Variants in TCERG1 observed in about 807,000 individuals in gnomAD.
The protein encoded by TCERG1 is transcription elongation regulator 1.
TCERG1 carries 37 observed loss-of-function variants against 144.7 expected under a neutral mutation model. That is an observed-to-expected ratio of 0.26 (90% CI 0.20 to 0.34). The LOEUF is 0.34. TCERG1 is among the 10% of genes least tolerant of loss of function. TCERG1 has a pLI of 1.00. For synonymous variants in TCERG1, 492 were observed against 458.2 expected, an observed-to-expected ratio of 1.07 and a Z score of -0.94; for missense variants, 1,027 against 1,380.7, an observed-to-expected ratio of 0.74 and a Z score of 4.06.
chr5:146,463,016 T>G (rs1386801603), intron 4 of TCERG1, among the ~76,000 whole-genome samples: 1 of 152,226 alleles, frequency 6.6e-6, no homozygotes, highest in Non-Finnish European at 1.5e-5. Context: ...TCCTATCCAT[T>G]TAAGGGCATA....
intron 1 of TCERG1, among the ~76,000 whole-genome samples, chr5:146,454,310 T>C (rs747044158): frequency 1.3e-5 from 2 of 152,240 alleles, no homozygotes; most frequent in Non-Finnish European, 2.9e-5. Flanking sequence ...GAATAGGTGA[T>C]GTCGTGTCTC....
chr5:146,488,824 A>G (rs1766118278), intron 15 of TCERG1, among the ~76,000 whole-genome samples: 1 of 152,216 alleles, frequency 6.6e-6, no homozygotes, highest in Non-Finnish European at 1.5e-5. Context: ...GAATCAACCT[A>G]GGTGTCCAAC....
intron 2 of TCERG1, among the ~76,000 whole-genome samples, chr5:146,456,521 A>G (rs1430569529): frequency 6.6e-6 from 1 of 152,202 alleles, no homozygotes; most frequent in African/African-American, 2.4e-5. Flanking sequence ...TTTGGGATAG[A>G]TATTTTATAT....
chr5:146,498,819 C>G, intron 17 of TCERG1, 133 bp downstream of exon 17: 1 of 930,452 alleles, frequency 1.1e-6, no homozygotes. Context: ...TTTAAGTTAA[C>G]TTTTATAATT....
chr5:146,450,351 G>GT (rs1394012264), intron 1 of TCERG1, among the ~76,000 whole-genome samples: 3 of 152,332 alleles, frequency 2.0e-5, no homozygotes, highest in African/African-American at 7.2e-5. Context: ...AAGAGAACAG[G>GT]TGCAGAGGCT....
chr5:146,506,982 T>A, intron 19 of TCERG1, 46 bp from the exon 20 acceptor site: 1 of 1,462,942 alleles, frequency 6.8e-7, no homozygotes, highest in Non-Finnish European at 9.1e-7. Context: ...AAATGGACAT[T>A]CAGATAAGTC....
intron 19 of TCERG1, among the ~76,000 whole-genome samples, chr5:146,506,659 C>T (rs973502312): frequency 1.3e-5 from 2 of 152,176 alleles, no homozygotes; most frequent in African/African-American, 2.4e-5. Context: ...CATTCTCTCC[C>T]TTGTCCTGTC....
chr5:146,470,377 A>G (rs1764179570), intron 7 of TCERG1, among the ~76,000 whole-genome samples: 1 of 152,200 alleles, frequency 6.6e-6, no homozygotes, highest in African/African-American at 2.4e-5. Flanking sequence ...ATTGCTACAA[A>G]TGATATATGA....
chr5:146,485,382 A>C (rs1765731091), intron 15 of TCERG1, among the ~76,000 whole-genome samples: 1 of 152,218 alleles, frequency 6.6e-6, no homozygotes, highest in South Asian at 2.1e-4. Context: ...TGCAAAATAT[A>C]AATTGTATGA....
intron 15 of TCERG1, among the ~76,000 whole-genome samples, chr5:146,488,331 C>T (rs1766045743): frequency 6.6e-6 from 1 of 152,128 alleles, no homozygotes; most frequent in Non-Finnish European, 1.5e-5. Context: ...TTGCTAACTA[C>T]TTATTTGATA....
chr5:146,507,890 G>A lies in TCERG1; in HGVS notation c.2979G>A (p.Thr993=), dbSNP rs12186370. Reference sequence around the variant, plus strand: ...TTTCAAAGATTACCTTAACATCCACGTGGAAAGAAGTAAAAAAAATCATTA... The same window carrying A: ...TTTCAAAGATTACCTTAACATCCACATGGAAAGAAGTAAAAAAAATCATTA... ...DETSAITLTS[T]WKEVKKIIKE... is the part of the protein sequence containing the mutation. The change falls in exon 21 of 23, where the codon ACG becomes ACA. Residue 993 remains threonine, a synonymous_variant. Coordinates refer to ENST00000679501, the MANE Select transcript of TCERG1 (RefSeq NM_001382548.1). The surrounding 1 kb of genome is among the most constrained non-coding windows in gnomAD (Gnocchi z 4.6). 0.066 allele frequency: 105,331 copies of A among 1,608,042 alleles called. 3,823 individuals carry two copies. Among genetic ancestry groups the A allele is most frequent in the Middle Eastern group, 0.11 (671 of 6,044 alleles).
chr5:146,508,793 C>G (rs1189280648), intron 21 of TCERG1, among the ~76,000 whole-genome samples: 1 of 152,162 alleles, frequency 6.6e-6, no homozygotes, highest in Non-Finnish European at 1.5e-5. Context: ...GAAGTGAACA[C>G]TTAATCCTTA....
At chr5:146,484,455 T>C (rs1277755364) in intron 15 of TCERG1, among the ~76,000 whole-genome samples, 1 of 152,196 alleles carries the variant, frequency 6.6e-6, no homozygotes, top group Non-Finnish European at 1.5e-5. Flanking sequence ...TTGGTAACAG[T>C]AGTGCCCATC....
chr5:146,505,806 C>G (rs912837891), intron 19 of TCERG1, among the ~76,000 whole-genome samples: 1 of 152,036 alleles, frequency 6.6e-6, no homozygotes, highest in Non-Finnish European at 1.5e-5. Flanking sequence ...GAGATGGAGT[C>G]TCACTCTGTC....
At chr5:146,453,081 T>C (rs1433280697) in intron 1 of TCERG1, among the ~76,000 whole-genome samples, 1 of 152,226 alleles carries the variant, frequency 6.6e-6, no homozygotes, top group Admixed American at 6.5e-5. Flanking sequence ...TTTTAGGAGT[T>C]AATAATTCTC....
rs1409230103 is a variant in TCERG1, at chr5:146,460,086, T to C, written c.892+749T>C. Among the ~76,000 whole-genome samples the C allele has an allele frequency of 2.0e-5, 3 of 152,242 alleles. No homozygotes were observed. The East Asian group carries it at 5.8e-4, about 29-fold the overall frequency. On this transcript the variant is annotated intron_variant, in intron 4 of 22. Transcript: ENST00000679501. ...TTAGGAGCTTCTCAGTAATCTCTTTTAGAATAGTTTCTAGACTGGGATGCG... is the reference window on the plus strand; with the variant it reads ...TTAGGAGCTTCTCAGTAATCTCTTTCAGAATAGTTTCTAGACTGGGATGCG...
chr5:146,447,406 C>G lies in TCERG1; in HGVS notation c.57C>G (p.Leu19=). The change falls in exon 1 of 23, where the codon CTC becomes CTG. Residue 19 remains leucine (L), a splice_region_variant and synonymous_variant. Coordinates refer to ENST00000679501, the MANE Select transcript of TCERG1 (RefSeq NM_001382548.1). Reference sequence around the variant, plus strand: ...GTGAACGATTCAACCCGGGGGAGCTCAGGTAAGGAACGCTGCCCTCCTTCA... The same window carrying G: ...GTGAACGATTCAACCCGGGGGAGCTGAGGTAAGGAACGCTGCCCTCCTTCA... The part of the protein sequence containing the change: ...GESERFNPGE[L]RMAQQQALRF... 1 of 1,611,522 alleles carries G rather than the reference C, an allele frequency of 6.2e-7. No homozygotes were observed. The highest frequency in any genetic ancestry group is 8.5e-7 in the Non-Finnish European group (1 of 1,179,048).
chr5:146,484,283 A>C (rs914630789), intron 15 of TCERG1, among the ~76,000 whole-genome samples: 4 of 152,148 alleles, frequency 2.6e-5, no homozygotes, highest in Non-Finnish European at 4.4e-5. Context: ...TCCCATGATG[A>C]TTCAGTGACA....
chr5:146,497,341 C>T (rs1767019909), intron 16 of TCERG1, among the ~76,000 whole-genome samples: 1 of 152,052 alleles, frequency 6.6e-6, no homozygotes, highest in Non-Finnish European at 1.5e-5. Context: ...TGGCTGGAGT[C>T]TCACTGTGTT....
Sources: allele counts gnomAD v4.1 joint callset (sites outside exome capture counted in the v4.1 genomes callset), GRCh38; gene constraint gnomAD v4.1.1; non-coding constraint Gnocchi (gnomAD v3.1); transcripts MANE v1.5; gene names NCBI Gene and HGNC (gene_info 2026-07-23, HGNC 2026-07-21).